The following PTPRN2 variants were observed in gnomAD, a reference collection of about 807,000 sequenced individuals.
The protein encoded by PTPRN2 is protein tyrosine phosphatase receptor type N2, also known as receptor-type tyrosine-protein phosphatase N2.
PTPRN2 carries 74 observed loss-of-function variants against 118.8 expected under a neutral mutation model. The observed-to-expected ratio is 0.62, with a 90% confidence interval of 0.52 to 0.76. The LOEUF (loss-of-function observed/expected upper bound fraction) is 0.76. PTPRN2 is among the 30% of genes least tolerant of loss of function. The probability of loss-of-function intolerance (pLI) is 0.00; values close to 1 mark genes in which losing one functional copy is unlikely to be tolerated. For missense variants in PTPRN2, 1,481 were observed against 1,394.4 expected (o/e 1.06, Z -0.99); for synonymous variants, 641 against 608.0 (o/e 1.05, Z -0.80).
intron 10 of PTPRN2, among the ~76,000 whole-genome samples, chr7:158,110,275 C>G (rs546366131): frequency 6.6e-6 from 1 of 152,212 alleles, no homozygotes; most frequent in Non-Finnish European, 1.5e-5. Flanking sequence ...AAGCACTTGT[C>G]GTGAGACAGG....
intron 12 of PTPRN2, among the ~76,000 whole-genome samples, chr7:157,731,271 G>T (rs1799883925): frequency 6.6e-6 from 1 of 152,170 alleles, no homozygotes; most frequent in Admixed American, 6.5e-5. Flanking sequence ...CTTCCTGAAG[G>T]TCTGCACCAG....
chr7:158,478,706 G>A (rs1038379340), intron 2 of PTPRN2, among the ~76,000 whole-genome samples: 13 of 152,110 alleles, frequency 8.5e-5, no homozygotes, highest in African/African-American at 3.1e-4. Flanking sequence ...ACTGTGGGGG[G>A]CAGACGAGAA....
At chr7:157,798,245 C>A (rs974524088) in intron 12 of PTPRN2, among the ~76,000 whole-genome samples, 4 of 151,982 alleles carry the variant, frequency 2.6e-5, no homozygotes, top group African/African-American at 9.7e-5. Flanking sequence ...GGTGACAGAG[C>A]GAGACTCAGT....
chr7:157,729,147 T>C lies in PTPRN2; in HGVS notation c.1789-46210A>G, dbSNP rs1270865099. Reference sequence around the variant, plus strand: ...TGCTTTGATATACCCATCTCTGTTTTTTTTTTTGGACAGAATTCCTATTAA... The same window carrying C: ...TGCTTTGATATACCCATCTCTGTTTCTTTTTTTGGACAGAATTCCTATTAA... On this transcript the variant is annotated intron_variant, in intron 12 of 22. Transcript: ENST00000389418. This position sits in a 1 kb window ranked among gnomAD's most constrained non-coding sequence, Gnocchi z 4.3. Among the ~76,000 whole-genome samples the C allele has an allele frequency of 6.6e-6, 1 of 152,208 alleles. No individual in the cohort carries two copies. The highest frequency in any genetic ancestry group is 2.1e-4 in the South Asian group (1 of 4,832).
chr7:157,716,499 G>A (rs200123501), intron 12 of PTPRN2, among the ~76,000 whole-genome samples: 29 of 55,698 alleles, frequency 5.2e-4, no homozygotes, highest in East Asian at 1.5e-3. Context: ...TAGACTCTGC[G>A]GGAACACTGC....
intron 2 of PTPRN2, among the ~76,000 whole-genome samples, chr7:158,388,692 A>G (rs1385547346): frequency 6.6e-6 from 1 of 152,140 alleles, no homozygotes; most frequent in Non-Finnish European, 1.5e-5. Flanking sequence ...TAACCCCCCA[A>G]GAGTTGGGGG....
At chr7:158,082,289 C>T (rs543653263) in intron 10 of PTPRN2, among the ~76,000 whole-genome samples, 15 of 152,332 alleles carry the variant, frequency 9.8e-5, no homozygotes, top group African/African-American at 3.6e-4. Context: ...ACTGCAGCCA[C>T]ACACCCTCCA....
At chr7:157,736,342 G>A (rs1321056410) in intron 12 of PTPRN2, among the ~76,000 whole-genome samples, 1 of 152,182 alleles carries the variant, frequency 6.6e-6, no homozygotes, top group Non-Finnish European at 1.5e-5. Flanking sequence ...TGATCCCCAT[G>A]TGCCTATATT....
In PTPRN2 at chr7:158,561,806, T is replaced by C. The variant is rs549069457; in HGVS notation, c.112+25752A>G. On this transcript the variant is annotated intron_variant, in intron 1 of 22. Coordinates refer to ENST00000389418, the MANE Select transcript of PTPRN2 (RefSeq NM_002847.5). The stretch of plus-strand genomic sequence containing the variant: ...GCCAACACCAGGACCAAACTCTCAC[T>C]AGGGGGGACCGTGCCACCCCCCACA... 9.9e-5 allele frequency among the ~76,000 whole-genome samples: 15 copies of C among 152,256 alleles called. No homozygotes were observed. In the South Asian group the frequency reaches 2.3e-3, roughly 23 times the overall value.
intron 2 of PTPRN2, among the ~76,000 whole-genome samples, chr7:158,460,625 G>A (rs1171626748): frequency 1.3e-5 from 2 of 152,242 alleles, no homozygotes; most frequent in Admixed American, 6.5e-5. Context: ...CGTCAGCACA[G>A]GAGGGTCATC....
At chr7:158,406,724 G>GT (rs1332847536) in intron 2 of PTPRN2, among the ~76,000 whole-genome samples, 4 of 152,232 alleles carry the variant, frequency 2.6e-5, no homozygotes, top group African/African-American at 9.6e-5. Flanking sequence ...CCATGCCACT[G>GT]GATAAGTGGC....
chr7:157,817,120 C>T (rs1051572122), intron 12 of PTPRN2, among the ~76,000 whole-genome samples: 6 of 152,192 alleles, frequency 3.9e-5, no homozygotes, highest in Admixed American at 1.3e-4. Flanking sequence ...GGGGGCGCCG[C>T]GGGTCCCTCC....
chr7:158,154,806 G>A (rs1387031576), intron 6 of PTPRN2, among the ~76,000 whole-genome samples: 1 of 152,166 alleles, frequency 6.6e-6, no homozygotes, highest in South Asian at 2.1e-4. Flanking sequence ...GCTTATGGGA[G>A]AACAGTTAAT....
At chr7:157,573,260 G>A (rs1799851257) in intron 19 of PTPRN2, among the ~76,000 whole-genome samples, 5 of 152,252 alleles carry the variant, frequency 3.3e-5, no homozygotes, top group Non-Finnish European at 7.3e-5. Flanking sequence ...GTGTGCACGT[G>A]TAGAATCAAG....
chr7:158,296,249 T>G (rs1322074122), intron 3 of PTPRN2, among the ~76,000 whole-genome samples: 1 of 152,060 alleles, frequency 6.6e-6, no homozygotes, highest in African/African-American at 2.4e-5. Context: ...ACACAAGGGC[T>G]GGATGTCAAG....
intron 1 of PTPRN2, among the ~76,000 whole-genome samples, chr7:158,532,404 A>G (rs537521740): frequency 1.3e-5 from 2 of 152,302 alleles, no homozygotes; most frequent in East Asian, 3.9e-4. Context: ...GATGTCAAAC[A>G]GGCATCAGAG....
intron 2 of PTPRN2, among the ~76,000 whole-genome samples, chr7:158,442,102 C>G (rs1265129242): frequency 1.1e-4 from 13 of 114,640 alleles, no homozygotes; most frequent in African/African-American, 2.2e-4. Context: ...TAGTGATGGT[C>G]ACGGCAGTGG....
intron 2 of PTPRN2, among the ~76,000 whole-genome samples, chr7:158,361,794 C>T (rs1275360515): frequency 6.6e-6 from 1 of 152,182 alleles, no homozygotes; most frequent in Non-Finnish European, 1.5e-5. Flanking sequence ...TGTGGGCTCA[C>T]CTTCACCACA....
intron 1 of PTPRN2, among the ~76,000 whole-genome samples, chr7:158,523,705 G>A (rs373963860): frequency 5.6e-5 from 4 of 70,808 alleles, no homozygotes; most frequent in East Asian, 4.3e-4. Context: ...GAGTGGAGTC[G>A]TCTGCCCTGG....
Sources: allele counts gnomAD v4.1 joint callset (sites outside exome capture counted in the v4.1 genomes callset), GRCh38; gene constraint gnomAD v4.1.1; non-coding constraint Gnocchi (gnomAD v3.1); transcripts MANE v1.5; gene names NCBI Gene and HGNC (gene_info 2026-07-23, HGNC 2026-07-21).